Variants in TOR1AIP1 observed in about 807,000 individuals in gnomAD.
The protein encoded by TOR1AIP1 is torsin-1A-interacting protein 1.
Under a neutral mutation model 63.3 loss-of-function variants are expected in TOR1AIP1, and 54 were observed. The observed-to-expected ratio is 0.85, with a 90% CI of 0.69 to 1.07. The LOEUF (loss-of-function observed/expected upper bound fraction) is 1.07, where lower values mean the gene tolerates loss of function less well. TOR1AIP1 is among the 50% of genes least tolerant of loss of function. The pLI is 0.00. For missense variants in TOR1AIP1, 736 were observed against 715.0 expected (o/e 1.03, Z -0.33); for synonymous variants, 294 against 273.5 (o/e 1.07, Z -0.74).
In TOR1AIP1 at chr1:179,914,010, T is replaced by C. The variant is rs1304368146; in HGVS notation, c.920T>C (p.Leu307Pro). Reference protein sequence around the residue: ...IRTRMQNDSILKSELGNQSPS... With the variant: ...IRTRMQNDSIPKSELGNQSPS... ...CTCTCACCATTAGATGACAGCATTC[T>C]GAAATCAGAGCTTGGAAACCAGTCA... The change falls in exon 9 of 10, where the codon CTG becomes CCG. Residue 307 changes from leucine (L) to proline (P), a missense_variant. Around this residue, in one of 2 missense-constraint regions of TOR1AIP1, gnomAD observed 272 missense variants for 344.1 expected, o/e 0.79. Transcript: ENST00000606911. The C allele has an allele frequency of 6.2e-7, 1 of 1,613,928 alleles. No homozygotes were observed. Among genetic ancestry groups the C allele is most frequent in the South Asian group, 1.1e-5 (1 of 91,036 alleles).
rs188105581 is a variant in TOR1AIP1 at position 179,908,026 on chromosome 1, C to T, written c.838+162C>T. ...TGGGTTCACGCGATTCTCCTGCCTC[C>T]GCCTCCCAAGTAGCTGGGACTACAG... On this transcript the variant is annotated intron_variant, in intron 7 of 9. Transcript: ENST00000606911. Among the ~76,000 whole-genome samples, 3,124 of 149,360 alleles carry T rather than the reference C, an allele frequency of 0.021. 127 individuals carry two copies. The highest frequency in any genetic ancestry group is 0.073 in the African/African-American group (2,968 of 40,748).
chr1:179,903,005 CAA>C (rs775587306), intron 5 of TOR1AIP1, among the ~76,000 whole-genome samples: 6 of 135,902 alleles, frequency 4.4e-5, no homozygotes, highest in Non-Finnish European at 3.2e-5. Context: ...GACTCCATCT[CAA>C]AAAAAAAAAA....
intron 6 of TOR1AIP1, among the ~76,000 whole-genome samples, chr1:179,906,742 C>CTTT (rs1311833360): frequency 2.2e-5 from 3 of 134,812 alleles, no homozygotes; most frequent in Non-Finnish European, 1.6e-5. Context: ...TCCCCCCCCC[C>CTTT]CTTTTTTTTT....
At chr1:179,899,990 C>CAGG in intron 3 of TOR1AIP1, 136 bp from the exon 4 acceptor site, 2 of 605,422 alleles carry the variant, frequency 3.3e-6, no homozygotes, top group Non-Finnish European at 5.8e-6. Flanking sequence ...AATGTGTCCT[C>CAGG]ATGTTCATTT....
At chr1:179,912,570 TC>T (rs1228451404) in intron 8 of TOR1AIP1, among the ~76,000 whole-genome samples, 2 of 152,224 alleles carry the variant, frequency 1.3e-5, no homozygotes, top group Non-Finnish European at 2.9e-5. Flanking sequence ...TCTCATTTGA[TC>T]TTTGCAACCA....
At position 179,917,989 on chromosome 1, in the gene TOR1AIP1, C is replaced by T; in HGVS notation, c.1502C>T (p.Ala501Val). The T allele has an allele frequency of 1.2e-6, 2 of 1,614,228 alleles. No individual in the cohort carries two copies. Among genetic ancestry groups the T allele is most frequent in the South Asian group, 1.1e-5 (1 of 91,086 alleles). ...TACAAATATTGTGACCATGAAAACGCGGCCTTCAAAGATGTAGCCTTAGTC... is the reference window on the plus strand; with the variant it reads ...TACAAATATTGTGACCATGAAAACGTGGCCTTCAAAGATGTAGCCTTAGTC... ...IFYKYCDHENAAFKDVALVLT... is the reference protein window; with the variant it reads ...IFYKYCDHENVAFKDVALVLT... Residue 501 changes from alanine to valine, a missense_variant, in exon 10 of 10, where the codon GCG (alanine) becomes GTG (valine). Ala to Val is a moderately conservative substitution (Grantham distance 64). Transcript: ENST00000606911.
chr1:179,910,010 T>A (rs1314802142), intron 8 of TOR1AIP1, among the ~76,000 whole-genome samples: 1 of 152,184 alleles, frequency 6.6e-6, no homozygotes, highest in Non-Finnish European at 1.5e-5. Context: ...GTGATCCGCC[T>A]GCTTCAGCCT....
intron 9 of TOR1AIP1, among the ~76,000 whole-genome samples, chr1:179,916,602 T>G (rs1181874257): frequency 2.6e-5 from 4 of 152,050 alleles, no homozygotes; most frequent in African/African-American, 9.7e-5. Context: ...TTTACCAGTG[T>G]TAACTTGCAT....
At chr1:179,899,906 A>G (rs1239654985) in intron 3 of TOR1AIP1, among the ~76,000 whole-genome samples, 1 of 152,224 alleles carries the variant, frequency 6.6e-6, no homozygotes, top group Non-Finnish European at 1.5e-5. Flanking sequence ...CGGCCTCCCA[A>G]AGTGCCGGGA....
chr1:179,908,723 T>C (rs759057233), intron 8 of TOR1AIP1, 50 bp downstream of exon 8: 1 of 1,500,194 alleles, frequency 6.7e-7, no homozygotes, highest in East Asian at 2.3e-5. Flanking sequence ...ATTTGCTATG[T>C]TTTTCTTGAC....
rs1044062248 is a variant in TOR1AIP1 at position 179,919,271 on chromosome 1, A to C, written c.*1032A>C. ...CAAAAATGAAACTCCGTCTCAAAAA[A>C]AAAAAAGTAGGTCAATTCGTAACAG... On this transcript the variant is annotated 3_prime_UTR_variant, in exon 10 of 10. Transcript: ENST00000606911. 2 of 152,188 alleles carry C rather than the reference A, an allele frequency of 1.3e-5. No homozygotes were observed. Among genetic ancestry groups the C allele is most frequent in the African/African-American group, 2.4e-5 (1 of 41,434 alleles). The allele number at this position is 152,188 out of a possible 1,614,324, so 9.4% of individuals were successfully genotyped here. A position where few individuals can be genotyped will look rare whatever the true frequency, so the allele number is the denominator to read the frequency against.
chr1:179,899,728 T>C (rs1648389782), intron 3 of TOR1AIP1, among the ~76,000 whole-genome samples: 1 of 152,230 alleles, frequency 6.6e-6, no homozygotes, highest in African/African-American at 2.4e-5. Context: ...CACTGCAACC[T>C]CTGCTTCCCA....
At chr1:179,896,445 G>A (rs150565379) in intron 3 of TOR1AIP1, among the ~76,000 whole-genome samples, 27 of 145,838 alleles carry the variant, frequency 1.9e-4, no homozygotes, top group African/African-American at 6.8e-4. Context: ...GTCAGTGACC[G>A]ACCTAAGTGC....
At chr1:179,889,587 C>G (rs1460009343) in intron 3 of TOR1AIP1, among the ~76,000 whole-genome samples, 4 of 151,836 alleles carry the variant, frequency 2.6e-5, no homozygotes, top group African/African-American at 9.7e-5. Context: ...TACAGAAATT[C>G]ATGGATGAAA....
chr1:179,918,813 A>T lies in TOR1AIP1; in HGVS notation c.*574A>T, dbSNP rs975445232. 2.0e-5 allele frequency: 3 copies of T among 152,482 alleles called. No homozygotes were observed. The highest frequency in any genetic ancestry group is 7.2e-5 in the African/African-American group (3 of 41,438). The allele number at this position is 152,482 out of a possible 1,614,324, so 9.4% of individuals were successfully genotyped here. On this transcript the variant is annotated 3_prime_UTR_variant, in exon 10 of 10. Transcript: ENST00000606911. ...GGCAAGGAAGGAAAATTAATGGGGA[A>T]GCTGAAGGGAGGAAATGTTACAGTA...
intron 8 of TOR1AIP1, among the ~76,000 whole-genome samples, chr1:179,912,897 A>C (rs563389943): frequency 8.5e-5 from 13 of 152,316 alleles, no homozygotes; most frequent in African/African-American, 2.9e-4. Flanking sequence ...TAACGCTAAG[A>C]AGATCCACCA....
intron 4 of TOR1AIP1, 139 bp from the exon 5 acceptor site, chr1:179,901,163 A>G: frequency 2.1e-6 from 1 of 476,660 alleles, no homozygotes; most frequent in Admixed American, 3.8e-5. Context: ...AATAATAAGC[A>G]TGATAAACAA....
intron 2 of TOR1AIP1, among the ~76,000 whole-genome samples, chr1:179,888,620 T>C (rs896718835): frequency 8.5e-5 from 13 of 152,218 alleles, no homozygotes; most frequent in Admixed American, 3.9e-4. Flanking sequence ...TAAGACATAA[T>C]GCTTTTTTAT....
At position 179,882,709 on chromosome 1, in the gene TOR1AIP1, C is replaced by G; in HGVS notation, c.207C>G (p.Asp69Glu). ...ACGAGCCGCCAGAAGTGTACGGCGA[C>G]TTCGAGCCCCTGGTGGCCAAAGAAA... ...FSDEPPEVYG[D>E]FEPLVAKERS... The change falls in exon 1 of 10, where the codon GAC becomes GAG. Residue 69 changes from aspartate (D) to glutamate (E), a missense_variant. Asp to Glu is a conservative substitution (Grantham distance 45). Around this residue, in one of 2 missense-constraint regions of TOR1AIP1, gnomAD observed 464 missense variants for 371.0 expected, o/e 1.25. Transcript: ENST00000606911. 4.3e-6 allele frequency: 7 copies of G among 1,613,222 alleles called. No individual in the cohort carries two copies. The highest frequency in any genetic ancestry group is 5.9e-6 in the Non-Finnish European group (7 of 1,179,504).
Sources: gnomAD v4.1 joint callset for allele counts (sites outside exome capture counted in the v4.1 genomes callset) on GRCh38, gnomAD v4.1.1 for gene constraint, gnomAD v4.1.1 regional missense constraint, MANE v1.5 for transcripts, NCBI Gene and HGNC (gene_info 2026-07-23, HGNC 2026-07-21) for gene names.